The following TLE7 variants were observed in gnomAD, a reference collection of about 807,000 sequenced individuals.
TLE7 encodes the protein transducin-like enhancer protein 7.
Position 71,431,085 on chromosome 16 carries a change from C to T in TLE7, c.1147+36G>A, listed in dbSNP as rs754371929. 19 of 400,616 alleles carry T rather than the reference C, an allele frequency of 4.7e-5. No individual in the cohort carries two copies. Among genetic ancestry groups the T allele is most frequent in the South Asian group, 1.3e-4 (1 of 7,900 alleles). The allele number at this position is 400,616 out of a possible 1,614,324, so 24.8% of individuals were successfully genotyped here. On this transcript the variant is annotated intron_variant, in intron 8 of 9. Transcript: ENST00000561754. The surrounding 1 kb of genome is among the most constrained non-coding windows in gnomAD (Gnocchi z 4.5). ...GAAGAGACGACAGCAAGTTCAAAAT[C>T]GGACACCCAGAGGTGTCACCTGGCT...
At position 71,430,636 on chromosome 16, in the gene TLE7, C is replaced by T. The variant is rs571637560; in HGVS notation, c.1221+32G>A. On this transcript the variant is annotated intron_variant, in intron 9 of 9. Transcript: ENST00000561754. ...GACCTGGAGCTACAAGCTCCCAGTG[C>T]CTGGGTTCGGGCATCCCTCTGTGTC... The T allele has an allele frequency of 1.3e-3, 523 of 398,528 alleles. 1 individual carries two copies. The highest frequency in any genetic ancestry group is 2.5e-3 in the Middle Eastern group (4 of 1,588). 24.7% of individuals were successfully genotyped at this position (398,528 alleles called of 1,614,324 possible).
intron 1 of TLE7, 112 bp downstream of exon 1, chr16:71,441,856 AG>A (rs1377372976): frequency 6.6e-6 from 1 of 152,258 alleles, no homozygotes; most frequent in Non-Finnish European, 1.5e-5. Context: ...CGCCGGCGCC[AG>A]CACCTCCGCG....
At chr16:71,437,896 C>G (rs1003395382) in intron 1 of TLE7, among the ~76,000 whole-genome samples, 19 of 152,198 alleles carry the variant, frequency 1.2e-4, no homozygotes, top group African/African-American at 4.6e-4. Flanking sequence ...CACTTACACA[C>G]CCCTTGTCCC....
In TLE7 at chr16:71,433,195, C is replaced by A; in HGVS notation, c.130G>T (p.Gly44Cys). The change falls in exon 2 of 10, where the codon GGC becomes TGC. Residue 44 changes from glycine (G) to cysteine (C), a missense_variant. By Grantham distance (159) the Gly-to-Cys change is radical. Coordinates refer to ENST00000561754, the MANE Select transcript of TLE7 (RefSeq NM_001367365.2). ...TGCCAGGGCACTCCCAACAGACTGC[C>A]CAGTTGCTGCTGCACTTGTGGCTCA... ...QPEPQVQQQL[G>C]SLLGVPWQPP... 2.5e-6 allele frequency: 1 copy of A among 398,744 alleles called. No individual in the cohort carries two copies. The highest frequency in any genetic ancestry group is 3.6e-5 in the East Asian group (1 of 28,072). The allele number at this position is 398,744 out of a possible 1,614,324, so 24.7% of individuals were successfully genotyped here. A position where few individuals can be genotyped will look rare whatever the true frequency, so the allele number is the denominator to read the frequency against.
In TLE7 at chr16:71,431,669, G is replaced by A; in HGVS notation, c.851+92C>T. The A allele has an allele frequency of 2.5e-6, 1 of 400,294 alleles. No individual in the cohort carries two copies. Among genetic ancestry groups the A allele is most frequent in the Non-Finnish European group, 4.4e-6 (1 of 226,314 alleles). The allele number at this position is 400,294 out of a possible 1,614,324, so 24.8% of individuals were successfully genotyped here. A position where few individuals can be genotyped will look rare whatever the true frequency, so the allele number is the denominator to read the frequency against. ...GTACCCCAGATATATCTTCTACACTGACTCGCCCAGCCCTAATGCAAAGAG... is the reference window on the plus strand; with the variant it reads ...GTACCCCAGATATATCTTCTACACTAACTCGCCCAGCCCTAATGCAAAGAG... On this transcript the variant is annotated intron_variant, in intron 6 of 9. Transcript: ENST00000561754. The surrounding 1 kb of genome is among the most constrained non-coding windows in gnomAD (Gnocchi z 4.5).
At position 71,438,175 on chromosome 16, in the gene TLE7, G is replaced by A. The variant is rs543055796; in HGVS notation, c.-97+3794C>T. On this transcript the variant is annotated intron_variant, in intron 1 of 9. Transcript: ENST00000561754. ...TGGCCGGACACAGTGGTTCACAGCC[G>A]TAATCCCAGCACTTTGGGAGGCCGA... Among the ~76,000 whole-genome samples the A allele has an allele frequency of 4.6e-5, 7 of 152,252 alleles. 1 individual carries two copies. The highest frequency in any genetic ancestry group is 9.6e-5 in the African/African-American group (4 of 41,562).
rs1238664028 is a variant in TLE7 at position 71,441,984 on chromosome 16, G to C, written c.-112C>G. 6.6e-6 allele frequency: 1 copy of C among 152,288 alleles called. No homozygotes were observed. The highest frequency in any genetic ancestry group is 1.9e-4 in the East Asian group (1 of 5,176). 9.4% of individuals were successfully genotyped at this position (152,288 alleles called of 1,614,324 possible). ...AGCCCCTTACCGTGGCGGGGGCGCT[G>C]AGGTCCCTCGGGGCAACCAGAGGAC... On this transcript the variant is annotated 5_prime_UTR_variant, in exon 1 of 10. Transcript: ENST00000561754.
chr16:71,439,291 G>C (rs1012025942), intron 1 of TLE7, among the ~76,000 whole-genome samples: 3 of 152,334 alleles, frequency 2.0e-5, no homozygotes, highest in Middle Eastern at 3.4e-3. Flanking sequence ...CAGAAGGATG[G>C]AAGGACTCAG....
At chr16:71,434,544 A>G (rs1440745257) in intron 1 of TLE7, among the ~76,000 whole-genome samples, 2 of 152,202 alleles carry the variant, frequency 1.3e-5, no homozygotes, top group African/African-American at 4.8e-5. Context: ...GGCAAGCACC[A>G]GGGTGGGGGC....
At chr16:71,440,210 C>T (rs776696296) in intron 1 of TLE7, among the ~76,000 whole-genome samples, 5 of 152,170 alleles carry the variant, frequency 3.3e-5, no homozygotes, top group East Asian at 3.8e-4. Flanking sequence ...GGGAATGGGA[C>T]GCCACTTCTT....
intron 1 of TLE7, among the ~76,000 whole-genome samples, chr16:71,438,038 G>T (rs1255361967): frequency 6.6e-6 from 1 of 152,172 alleles, no homozygotes; most frequent in African/African-American, 2.4e-5. Context: ...CAGCGTGAAA[G>T]AAACAAGTTT....
At chr16:71,436,214 C>T (rs917992641) in intron 1 of TLE7, among the ~76,000 whole-genome samples, 1 of 152,122 alleles carries the variant, frequency 6.6e-6, no homozygotes, top group African/African-American at 2.4e-5. Context: ...AAGCTAAGAC[C>T]CAGCCAGGCA....
In TLE7 at chr16:71,435,055, G is replaced by A. The variant is rs576602292; in HGVS notation, c.-96-1635C>T. 7.2e-5 allele frequency among the ~76,000 whole-genome samples: 11 copies of A among 152,320 alleles called. No homozygotes were observed. In the South Asian group the frequency reaches 2.3e-3, roughly 32 times the overall value. On this transcript the variant is annotated intron_variant, in intron 1 of 9. Coordinates refer to ENST00000561754, the MANE Select transcript of TLE7 (RefSeq NM_001367365.2). ...CTGGCCAATGCCCAAATGGCCATGG[G>A]AGGAGACTGGTGCAATAAGTTAGAG...
At chr16:71,440,271 G>A (rs940665008) in intron 1 of TLE7, among the ~76,000 whole-genome samples, 2 of 152,210 alleles carry the variant, frequency 1.3e-5, no homozygotes, top group African/African-American at 4.8e-5. Context: ...GAAACTAGAG[G>A]GTGGTGATGG....
intron 1 of TLE7, among the ~76,000 whole-genome samples, chr16:71,434,637 C>G (rs1181238740): frequency 1.3e-5 from 2 of 152,168 alleles, no homozygotes; most frequent in Admixed American, 1.3e-4. Context: ...CTTTACATAG[C>G]TGATCTCATT....
At chr16:71,438,540 G>A (rs2042835350) in intron 1 of TLE7, among the ~76,000 whole-genome samples, 1 of 151,652 alleles carries the variant, frequency 6.6e-6, no homozygotes, top group Admixed American at 6.6e-5. Flanking sequence ...TAAAGGTAAG[G>A]GATATTGGTG....
chr16:71,438,016 G>A (rs982241498), intron 1 of TLE7, among the ~76,000 whole-genome samples: 1 of 152,190 alleles, frequency 6.6e-6, no homozygotes, highest in East Asian at 1.9e-4. Context: ...ATTAAAGGCA[G>A]GTCACAGAGT....
chr16:71,432,967 C>T (rs1309439615), intron 2 of TLE7, 47 bp downstream of exon 2: 3 of 399,082 alleles, frequency 7.5e-6, no homozygotes, highest in African/African-American at 6.2e-5. Context: ...GCCCTCTCCC[C>T]AGTCCAGTTT....
At chr16:71,437,880 C>A (rs2042832437) in intron 1 of TLE7, among the ~76,000 whole-genome samples, 1 of 152,204 alleles carries the variant, frequency 6.6e-6, no homozygotes, top group African/African-American at 2.4e-5. Flanking sequence ...CTTCTCCCCT[C>A]TGCCTCACTT....
Sources: gnomAD v4.1 joint callset for allele counts (sites outside exome capture counted in the v4.1 genomes callset) on GRCh38, gnomAD v4.1.1 for gene constraint, Gnocchi (gnomAD v3.1) non-coding constraint, MANE v1.5 for transcripts, NCBI Gene and HGNC (gene_info 2026-07-23, HGNC 2026-07-21) for gene names.